NEURL1: variants seen among roughly 807,000 people sequenced by gnomAD.
NEURL1 encodes the protein E3 ubiquitin-protein ligase NEURL1.
A neutral mutation model predicts 41.2 loss-of-function variants in NEURL1; 26 were observed. The observed-to-expected ratio is 0.63, with a 90% confidence interval of 0.46 to 0.87. The LOEUF is 0.87. Among genes scored for constraint, NEURL1 ranks in the 40% least tolerant of loss-of-function variants. The pLI, the probability that NEURL1 is intolerant of heterozygous loss-of-function variation, is 0.00. For missense variants in NEURL1, 761 were observed against 871.1 expected (o/e 0.87, Z 1.59); for synonymous variants, 400 against 402.3 (o/e 0.99, Z 0.07).
chr10:103,536,801 C>T (rs1455476445), intron 1 of NEURL1, among the ~76,000 whole-genome samples: 2 of 152,156 alleles, frequency 1.3e-5, no homozygotes, highest in East Asian at 3.8e-4. Flanking sequence ...ACCATCTTAA[C>T]CATTTAAGTG....
In NEURL1 at chr10:103,590,541, G is replaced by A. The variant is rs1039728019; in HGVS notation, c.*169G>A. On this transcript the variant is annotated 3_prime_UTR_variant, in exon 6 of 6. Coordinates refer to ENST00000369780, the MANE Select transcript of NEURL1 (RefSeq NM_004210.5). Reference sequence around the variant, plus strand: ...AAGGTTTGGGGAGAGGGGGGTATCAGGCAGGGAGGGGGCAGAGGCAAATCA... The same window carrying A: ...AAGGTTTGGGGAGAGGGGGGTATCAAGCAGGGAGGGGGCAGAGGCAAATCA... 4.9e-6 allele frequency: 3 copies of A among 616,524 alleles called. No individual in the cohort carries two copies. In the Admixed American group the frequency reaches 8.4e-5, roughly 17 times the overall value. The allele number at this position is 616,524 out of a possible 1,614,324, so 38.2% of individuals were successfully genotyped here.
At chr10:103,534,876 G>A (rs1293238111) in intron 1 of NEURL1, among the ~76,000 whole-genome samples, 1 of 152,166 alleles carries the variant, frequency 6.6e-6, no homozygotes, top group Non-Finnish European at 1.5e-5. Context: ...GCCAGCATCT[G>A]TGACTCTGAA....
intron 1 of NEURL1, among the ~76,000 whole-genome samples, chr10:103,563,644 A>G (rs1280969724): frequency 6.6e-6 from 1 of 152,206 alleles, no homozygotes; most frequent in African/African-American, 2.4e-5. Flanking sequence ...GTGTGGGGAT[A>G]GGAAAGCAGA....
intron 1 of NEURL1, among the ~76,000 whole-genome samples, chr10:103,509,356 C>T (rs980911631): frequency 9.9e-5 from 15 of 152,108 alleles, no homozygotes; most frequent in Non-Finnish European, 1.9e-4. Context: ...ACAGAGTGCA[C>T]TTACACAAAC....
At chr10:103,574,080 G>T (rs2035605431) in intron 3 of NEURL1, among the ~76,000 whole-genome samples, 1 of 152,202 alleles carries the variant, frequency 6.6e-6, no homozygotes, top group Non-Finnish European at 1.5e-5. Flanking sequence ...TTGCAGGGTA[G>T]GTAGGGGAGA....
At chr10:103,555,251 C>G in intron 1 of NEURL1, 1 of 988,164 alleles carries the variant, frequency 1.0e-6, no homozygotes, top group Non-Finnish European at 1.2e-6. Context: ...GGAGGGGCCT[C>G]GGCCCTGCCA....
intron 1 of NEURL1, among the ~76,000 whole-genome samples, chr10:103,495,795 T>C (rs1422192158): frequency 3.3e-5 from 5 of 152,178 alleles, no homozygotes; most frequent in African/African-American, 1.2e-4. Context: ...TGGCAATACA[T>C]GTCAAGATAC....
intron 1 of NEURL1, among the ~76,000 whole-genome samples, chr10:103,520,447 G>A (rs988661648): frequency 2.8e-4 from 42 of 152,308 alleles, no homozygotes; most frequent in African/African-American, 1.0e-3. Context: ...TGAGCCAGGA[G>A]AAGGAATTTC....
Position 103,585,244 on chromosome 10 carries a change from G to C in NEURL1, c.1339+19G>C. ...ATCCTCGGTGAGTGCCCGCAGCTGC[G>C]CCTGGGCGTATGCCTTTCCTGGAGG... On this transcript the variant is annotated intron_variant, in intron 4 of 5. Coordinates refer to ENST00000369780, the MANE Select transcript of NEURL1 (RefSeq NM_004210.5). 1.3e-6 allele frequency: 2 copies of C among 1,485,560 alleles called. No homozygotes were observed. Among genetic ancestry groups the C allele is most frequent in the Non-Finnish European group, 1.8e-6 (2 of 1,118,112 alleles). 92.0% of individuals were successfully genotyped at this position (1,485,560 alleles called of 1,614,324 possible). A position where few individuals can be genotyped will look rare whatever the true frequency, so the allele number is the denominator to read the frequency against.
At chr10:103,514,521 C>G (rs2034152726) in intron 1 of NEURL1, among the ~76,000 whole-genome samples, 1 of 152,134 alleles carries the variant, frequency 6.6e-6, no homozygotes, top group African/African-American at 2.4e-5. Flanking sequence ...TCTCTTCACT[C>G]TAGACTCCTG....
chr10:103,588,911 A>C (rs759718629), intron 4 of NEURL1: 1 of 426,188 alleles, frequency 2.3e-6, no homozygotes, highest in South Asian at 1.6e-5. Context: ...GTGCCACTGC[A>C]CTCCAGCCTG....
At chr10:103,563,102 A>G (rs1381172256) in intron 1 of NEURL1, among the ~76,000 whole-genome samples, 1 of 152,236 alleles carries the variant, frequency 6.6e-6, no homozygotes, top group Non-Finnish European at 1.5e-5. Flanking sequence ...ATCTGAGATT[A>G]GGACGTTTGG....
chr10:103,580,264 G>C (rs1443770942), intron 3 of NEURL1, among the ~76,000 whole-genome samples: 1 of 152,242 alleles, frequency 6.6e-6, no homozygotes, highest in Non-Finnish European at 1.5e-5. Flanking sequence ...ACATGCAAGG[G>C]TAGTCAGCTT....
chr10:103,514,626 A>G (rs3014182), intron 1 of NEURL1, among the ~76,000 whole-genome samples: 79,101 of 152,042 alleles, frequency 0.52, 21,965 homozygotes, highest in African/African-American at 0.71. Flanking sequence ...GGGCTGGTGG[A>G]GAACAGAGGG....
chr10:103,559,283 T>C (rs11599861), intron 1 of NEURL1, among the ~76,000 whole-genome samples: 33,060 of 151,994 alleles, frequency 0.22, 3,780 homozygotes, highest in South Asian at 0.32. Context: ...TCCCCACACC[T>C]GGCTCGTGCC....
chr10:103,576,738 G>C (rs955584792), intron 3 of NEURL1, among the ~76,000 whole-genome samples: 7 of 152,106 alleles, frequency 4.6e-5, no homozygotes, highest in Non-Finnish European at 8.8e-5. Context: ...GGGGGCTCCC[G>C]AGGGCTTATG....
rs900895616 is a variant in NEURL1, at chr10:103,592,272, C to A, written c.*1900C>A. 4.6e-5 allele frequency: 7 copies of A among 152,614 alleles called. No individual in the cohort carries two copies. The highest frequency in any genetic ancestry group is 1.7e-4 in the African/African-American group (7 of 41,464). 9.5% of individuals were successfully genotyped at this position (152,614 alleles called of 1,614,324 possible). A position where few individuals can be genotyped will look rare whatever the true frequency, so the allele number is the denominator to read the frequency against. On this transcript the variant is annotated 3_prime_UTR_variant, in exon 6 of 6. Coordinates refer to ENST00000369780, the MANE Select transcript of NEURL1 (RefSeq NM_004210.5). The surrounding 1 kb of genome is among the most constrained non-coding windows in gnomAD (Gnocchi z 4.8). ...CTGCCAGGGGGTGGTGTGCCAGGAC[C>A]TCAGGCTGGGCCTTTGTGCTGGCCT...
At chr10:103,514,508 G>T (rs1381335499) in intron 1 of NEURL1, among the ~76,000 whole-genome samples, 1 of 152,056 alleles carries the variant, frequency 6.6e-6, no homozygotes, top group Non-Finnish European at 1.5e-5. Context: ...CTGCCCCTGG[G>T]CTTCTCTTCA....
rs2034006461 is a variant in NEURL1 at position 103,508,932 on chromosome 10, C to T, written c.85+14460C>T. ...AAATACAGGGTCAGGTGCGGTGGCT[C>T]ATGTCTGTAATCCCAGCACTTTGGG... On this transcript the variant is annotated intron_variant, in intron 1 of 5. Coordinates refer to ENST00000369780, the MANE Select transcript of NEURL1 (RefSeq NM_004210.5). This position sits in a 1 kb window ranked among gnomAD's most constrained non-coding sequence, Gnocchi z 4.3. Among the ~76,000 whole-genome samples, 1 of 152,168 alleles carries T rather than the reference C, an allele frequency of 6.6e-6. No homozygotes were observed. Among genetic ancestry groups the T allele is most frequent in the South Asian group, 2.1e-4 (1 of 4,818 alleles).
Sources: allele counts gnomAD v4.1 joint callset (sites outside exome capture counted in the v4.1 genomes callset), GRCh38; gene constraint gnomAD v4.1.1; non-coding constraint Gnocchi (gnomAD v3.1); transcripts MANE v1.5; gene names NCBI Gene and HGNC (gene_info 2026-07-23, HGNC 2026-07-21).